Variants in FAT2 observed in about 807,000 individuals in gnomAD.
FAT2 encodes the protein FAT atypical cadherin 2.
Under a neutral mutation model 295.3 loss-of-function variants are expected in FAT2, and 150 were observed. That is an observed-to-expected ratio of 0.51 (90% CI 0.44 to 0.58). FAT2 has a LOEUF of 0.58. FAT2 is among the 20% of genes least tolerant of loss of function. The pLI, the probability that FAT2 is intolerant of heterozygous loss-of-function variation, is 0.00. For synonymous variants in FAT2, 2,026 were observed against 2,150.3 expected (o/e 0.94, Z 1.60); for missense variants, 4,868 against 5,442.7 (o/e 0.89, Z 3.32).
At chr5:151,553,641 T>C (rs1194569669) in intron 5 of FAT2, among the ~76,000 whole-genome samples, 1 of 152,364 alleles carries the variant, frequency 6.6e-6, no homozygotes, top group African/African-American at 2.4e-5. Flanking sequence ...TAAATGCCAC[T>C]GTTAACTGAA....
intron 2 of FAT2, among the ~76,000 whole-genome samples, chr5:151,564,098 A>G (rs899514204): frequency 1.3e-5 from 2 of 152,200 alleles, no homozygotes; most frequent in South Asian, 4.1e-4. Flanking sequence ...TCCCTTCTCC[A>G]TCATTTTCAT....
chr5:151,537,897 A>G lies in FAT2; in HGVS notation c.9089T>C (p.Ile3030Thr), dbSNP rs779273140. The G allele has an allele frequency of 9.4e-5, 152 of 1,614,068 alleles. No homozygotes were observed. The highest frequency in any genetic ancestry group is 1.2e-4 in the Non-Finnish European group (140 of 1,180,024). ...VHEDVFPGHF[I>T]LKVSATDLDT... is the part of the protein sequence containing the mutation. The stretch of plus-strand genomic sequence containing the variant: ...CAAGTCTGTGGCAGAAACCTTCAAA[A>G]TGAAGTGTCCTGGAAATACATCTTC... Residue 3030 changes from isoleucine (I) to threonine (T), a missense_variant, in exon 12 of 24, where the codon ATT becomes ACT. Ile to Thr is a moderately conservative substitution (Grantham distance 89). This residue lies in a region of FAT2 where 1,046 missense variants were observed against 1,210.1 expected (regional missense o/e 0.86). Transcript: ENST00000261800.
chr5:151,553,487 G>A, intron 5 of FAT2, 100 bp from the exon 6 acceptor site: 1 of 1,008,418 alleles, frequency 9.9e-7, no homozygotes, highest in East Asian at 2.6e-5. Context: ...TTCTGACCAA[G>A]CAGGCCTCTC....
intron 20 of FAT2, among the ~76,000 whole-genome samples, chr5:151,514,079 C>A (rs6893071): frequency 0.028 from 4,280 of 152,292 alleles, 186 homozygotes; most frequent in African/African-American, 0.097. Flanking sequence ...ATTTGAAGAT[C>A]TAACCCAGTG....
chr5:151,545,096 T>A lies in FAT2; in HGVS notation c.6031A>T (p.Met2011Leu), dbSNP rs138872401. 6.2e-7 allele frequency: 1 copy of A among 1,614,144 alleles called. No individual in the cohort carries two copies. Among genetic ancestry groups the A allele is most frequent in the Non-Finnish European group, 8.5e-7 (1 of 1,180,028 alleles). The change falls in exon 10 of 24, where the codon ATG becomes TTG. Residue 2011 changes from methionine to leucine, a missense_variant. Met to Leu is a conservative substitution (Grantham distance 15, BLOSUM62 2). Transcript: ENST00000261800. ...CCTGCTGACTGGACCATATGAAACA[T>A]ATCTGTGCCATTCAAGAGAAAGTAG... ...LSYFLLNGTD[M>L]FHMVQSAGVL... is the part of the protein sequence containing the mutation.
upstream of FAT2, among the ~76,000 whole-genome samples, chr5:151,594,176 A>T (rs1308884207): frequency 6.6e-6 from 1 of 152,220 alleles, no homozygotes; most frequent in Non-Finnish European, 1.5e-5. Flanking sequence ...TCACTGGTCT[A>T]GACTCAGCTA....
At chr5:151,553,417 T>C in intron 5 of FAT2, 30 bp from the exon 6 acceptor site, 1 of 1,605,982 alleles carries the variant, frequency 6.2e-7, no homozygotes, top group Non-Finnish European at 8.5e-7. Flanking sequence ...AAAACTGAGG[T>C]TTGGGGCCAA....
intron 19 of FAT2, among the ~76,000 whole-genome samples, chr5:151,517,971 T>C (rs74971640): frequency 6.6e-6 from 1 of 152,196 alleles, no homozygotes; most frequent in African/African-American, 2.4e-5. Flanking sequence ...CTACCTTTTG[T>C]TGACTGCAGG....
rs531739224 is a variant in FAT2, at chr5:151,545,685, T to G, written c.5442A>C (p.Lys1814Asn). ...TTAGGGTTCCCATGCTGGGATCAATTTTGAAAAACTTCAAGGCCTCCGGCT... is the reference window on the plus strand; with the variant it reads ...TTAGGGTTCCCATGCTGGGATCAATGTTGAAAAACTTCAAGGCCTCCGGCT... ...ILEPEALKFFKIDPSMGTLTI... is the reference protein window; with the variant it reads ...ILEPEALKFFNIDPSMGTLTI... The change falls in exon 10 of 24, where the codon AAA becomes AAC. Residue 1814 changes from lysine to asparagine, a missense_variant. By Grantham distance (94) the Lys-to-Asn change is moderately conservative. Around this residue, in one of 5 missense-constraint regions of FAT2, gnomAD observed 3,297 missense variants for 3,669.4 expected, o/e 0.90. Transcript: ENST00000261800. 6.2e-7 allele frequency: 1 copy of G among 1,614,182 alleles called. No homozygotes were observed. The highest frequency in any genetic ancestry group is 1.3e-5 in the African/African-American group (1 of 75,046).
At chr5:151,511,128 A>C (rs1761288628) in intron 21 of FAT2, 1 of 152,464 alleles carries the variant, frequency 6.6e-6, no homozygotes, top group Admixed American at 6.5e-5. Flanking sequence ...CCAGGGTGAG[A>C]GGTGATGGGG....
Position 151,550,778 on chromosome 5 carries a change from CT to C in FAT2, c.4389del (p.Val1465Ter). 2 of 1,614,100 alleles carry C rather than the reference CT, an allele frequency of 1.2e-6. No homozygotes were observed. The highest frequency in any genetic ancestry group is 1.3e-5 in the African/African-American group (1 of 75,020). ...GCCTGGACTCGCAGGAGCTCTACCC[CT>C]GGCACGGTGTCCTGGGGAACTCTGA... Reference protein sequence around the residue: ...YEVRVPQDTVPGVELLRVQAI... With the variant: ...YEVRVPQDTVXGVELLRVQAI... On this transcript the variant is annotated frameshift_variant, in exon 8 of 24. Coordinates refer to ENST00000261800, the MANE Select transcript of FAT2 (RefSeq NM_001447.3). LOFTEE classifies it high-confidence loss of function.
At chr5:151,536,230 AC>A (rs1296119938) in intron 12 of FAT2, among the ~76,000 whole-genome samples, 2 of 149,152 alleles carry the variant, frequency 1.3e-5, no homozygotes, top group Admixed American at 6.7e-5. Context: ...AGAAAAAAAA[AC>A]GCCATTTTTT....
chr5:151,528,095 G>A lies in FAT2; in HGVS notation c.10065C>T (p.Asp3355=), dbSNP rs753690708. 9.3e-6 allele frequency: 15 copies of A among 1,614,074 alleles called. No individual in the cohort carries two copies. The highest frequency in any genetic ancestry group is 1.3e-5 in the Non-Finnish European group (15 of 1,180,044). ...TCCCTCCTATGAGGCTATAGGTAAT[G>A]TCACTATTTAGGGGTCCATCTTCAT... The part of the protein sequence containing the change: ...ATDEDGPLNS[D]ITYSLIGGNQ... The change falls in exon 16 of 24, where the codon GAC becomes GAT. Residue 3355 remains aspartate (D), a synonymous_variant. Coordinates refer to ENST00000261800, the MANE Select transcript of FAT2 (RefSeq NM_001447.3).
intron 19 of FAT2, among the ~76,000 whole-genome samples, chr5:151,519,002 G>A (rs1309818554): frequency 6.6e-6 from 1 of 152,160 alleles, no homozygotes; most frequent in Non-Finnish European, 1.5e-5. Context: ...AAAGCCAAAA[G>A]GAGGAGAAGA....
intron 1 of FAT2, among the ~76,000 whole-genome samples, chr5:151,581,404 A>G (rs1459976816): frequency 6.6e-6 from 1 of 152,124 alleles, no homozygotes; most frequent in African/African-American, 2.4e-5. Flanking sequence ...GAGAGCCCTG[A>G]GCAAATTCCC....
chr5:151,515,679 T>C (rs934299621), intron 20 of FAT2, among the ~76,000 whole-genome samples: 8 of 152,210 alleles, frequency 5.3e-5, no homozygotes, highest in African/African-American at 1.9e-4. Context: ...GGCTTTGCCT[T>C]CAAAATCTTT....
At chr5:151,548,242 A>C (rs1008723961) in intron 9 of FAT2, among the ~76,000 whole-genome samples, 29 of 152,092 alleles carry the variant, frequency 1.9e-4, no homozygotes, top group African/African-American at 6.8e-4. Flanking sequence ...GGCAGACAGC[A>C]AATTATTTTC....
chr5:151,562,591 C>A (rs1013634442), intron 3 of FAT2, among the ~76,000 whole-genome samples: 3 of 152,150 alleles, frequency 2.0e-5, no homozygotes, highest in African/African-American at 7.2e-5. Flanking sequence ...CACTGTGGCC[C>A]AGCGGGACTG....
intron 14 of FAT2, 85 bp from the exon 15 acceptor site, chr5:151,529,477 G>GAGGC: frequency 8.5e-7 from 1 of 1,176,798 alleles, no homozygotes; most frequent in South Asian, 1.3e-5. Context: ...AGCCCTAGGA[G>GAGGC]AGGCAGCTCA....
Sources: allele counts gnomAD v4.1 joint callset (sites outside exome capture counted in the v4.1 genomes callset), GRCh38; gene constraint gnomAD v4.1.1; regional missense constraint gnomAD v4.1.1; transcripts MANE v1.5; gene names NCBI Gene and HGNC (gene_info 2026-07-23, HGNC 2026-07-21).